WWC2: variants seen among roughly 807,000 people sequenced by gnomAD.
WWC2 encodes the protein protein WWC2.
WWC2 carries 101 observed loss-of-function variants against 138.5 expected under a neutral mutation model. The ratio of observed to expected loss-of-function variants is 0.73; its 90% CI spans 0.62 to 0.86. The LOEUF is 0.86. WWC2 is among the 40% of genes least tolerant of loss of function. The pLI is 0.00. For missense variants in WWC2, 1,420 were observed against 1,419.4 expected, an observed-to-expected ratio of 1.00 and a Z score of -0.01; for synonymous variants, 558 against 538.4, an observed-to-expected ratio of 1.04 and a Z score of -0.50.
chr4:183,129,695 C>T (rs188796764), intron 1 of WWC2, among the ~76,000 whole-genome samples: 1 of 152,308 alleles, frequency 6.6e-6, no homozygotes, highest in East Asian at 1.9e-4. Context: ...TTTGTACCAA[C>T]CCATCAAATG....
chr4:183,319,895 T>C lies in WWC2; in HGVS notation c.*4166T>C. 2.5e-6 allele frequency: 4 copies of C among 1,613,860 alleles called. No homozygotes were observed. Among genetic ancestry groups the C allele is most frequent in the Non-Finnish European group, 3.4e-6 (4 of 1,179,846 alleles). ...GCCTCTTGAGATCTCTCTGACTCTC[T>C]CCAATTCTCAAACAGTCCAGGCCAA... On this transcript the variant is annotated 3_prime_UTR_variant, in exon 23 of 23. Transcript: ENST00000403733.
At chr4:183,134,951 C>T (rs1032656211) in intron 1 of WWC2, among the ~76,000 whole-genome samples, 18 of 144,972 alleles carry the variant, frequency 1.2e-4, no homozygotes, top group African/African-American at 4.8e-4. Context: ...TTTTTAAATT[C>T]GAGAGAGTCT....
chr4:183,262,929 G>T lies in WWC2; in HGVS notation c.1909+1397G>T, dbSNP rs573695097. On this transcript the variant is annotated intron_variant, in intron 11 of 22. Transcript: ENST00000403733. ...TATGATTCCTTATCTGCAAAATGGG[G>T]TTGCTACAGTAATCCTTGTGTCAGG... is the stretch of plus-strand genomic sequence containing the variant. 5.9e-5 allele frequency among the ~76,000 whole-genome samples: 9 copies of T among 152,264 alleles called. No individual in the cohort carries two copies. In the East Asian group the frequency reaches 1.5e-3, roughly 26 times the overall value.
intron 1 of WWC2, among the ~76,000 whole-genome samples, chr4:183,148,955 A>G (rs963304525): frequency 3.3e-5 from 5 of 151,714 alleles, no homozygotes; most frequent in Admixed American, 6.6e-5. Context: ...TCGTAATTGG[A>G]GTAGTGGTAG....
At chr4:183,133,621 C>T (rs1050465633) in intron 1 of WWC2, among the ~76,000 whole-genome samples, 2 of 152,056 alleles carry the variant, frequency 1.3e-5, no homozygotes, top group Non-Finnish European at 2.9e-5. Context: ...CTCAGCCTCC[C>T]GAGTAACTAG....
chr4:183,132,272 T>C (rs1732949712), intron 1 of WWC2, among the ~76,000 whole-genome samples: 1 of 152,186 alleles, frequency 6.6e-6, no homozygotes, highest in Non-Finnish European at 1.5e-5. Flanking sequence ...CAGTGTTGAA[T>C]TGAAGTAGTA....
intron 4 of WWC2, among the ~76,000 whole-genome samples, chr4:183,239,679 A>G (rs1474580127): frequency 2.0e-5 from 3 of 152,064 alleles, no homozygotes; most frequent in Non-Finnish European, 4.4e-5. Flanking sequence ...GAGCCGTGGC[A>G]GGGGCAGGGG....
chr4:183,149,339 T>C (rs977178316), intron 1 of WWC2, among the ~76,000 whole-genome samples: 2 of 152,072 alleles, frequency 1.3e-5, no homozygotes, highest in African/African-American at 4.8e-5. Flanking sequence ...AAACAAATCT[T>C]TGGCCGGGCG....
chr4:183,108,898 C>T (rs951305019), intron 1 of WWC2, among the ~76,000 whole-genome samples: 1 of 152,122 alleles, frequency 6.6e-6, no homozygotes, highest in Non-Finnish European at 1.5e-5. Context: ...TGTGAGACAC[C>T]ACACCCGGCC....
At position 183,261,654 on chromosome 4, in the gene WWC2, T is replaced by C. The variant is rs574347091; in HGVS notation, c.1909+122T>C. The C allele has an allele frequency of 1.7e-3, 2,058 of 1,215,924 alleles. 3 individuals carry two copies. The highest frequency in any genetic ancestry group is 2.2e-3 in the Non-Finnish European group (1,941 of 902,116). The allele number at this position is 1,215,924 out of a possible 1,614,324, so 75.3% of individuals were successfully genotyped here. On this transcript the variant is annotated intron_variant, in intron 11 of 22. Transcript: ENST00000403733. Reference sequence around the variant, plus strand: ...CCCTTCTCTTTCTTTTGAGTAATCGTTTTGGCTTCATTTAAGAAGGAGCTT... The same window carrying C: ...CCCTTCTCTTTCTTTTGAGTAATCGCTTTGGCTTCATTTAAGAAGGAGCTT...
chr4:183,185,788 C>T (rs983108085), intron 1 of WWC2, among the ~76,000 whole-genome samples: 3 of 151,890 alleles, frequency 2.0e-5, no homozygotes, highest in Non-Finnish European at 4.4e-5. Context: ...TTTTTCTCTG[C>T]CCAGGCTATT....
At chr4:183,300,247 T>A (rs139451441) in intron 21 of WWC2, among the ~76,000 whole-genome samples, 185 of 152,178 alleles carry the variant, frequency 1.2e-3, no homozygotes, top group African/African-American at 4.1e-3. Context: ...AAGCCCGGCA[T>A]CTTATCGTGA....
chr4:183,270,635 G>A (rs543840247), intron 15 of WWC2, among the ~76,000 whole-genome samples: 6 of 141,940 alleles, frequency 4.2e-5, no homozygotes, highest in Admixed American at 2.7e-4. Context: ...GTTGTGGTGC[G>A]CACCTGTAAT....
chr4:183,150,162 A>G (rs201061077), intron 1 of WWC2, among the ~76,000 whole-genome samples: 2 of 152,236 alleles, frequency 1.3e-5, no homozygotes, highest in East Asian at 1.9e-4. Context: ...TGAGTACTTC[A>G]GAAGAATGGA....
intron 1 of WWC2, among the ~76,000 whole-genome samples, chr4:183,169,081 CA>C (rs1371191660): frequency 6.6e-6 from 1 of 152,172 alleles, no homozygotes. Context: ...CTCCTGACCG[CA>C]GATGATCTGC....
intron 4 of WWC2, among the ~76,000 whole-genome samples, chr4:183,222,222 T>C (rs1290159574): frequency 1.3e-5 from 2 of 152,168 alleles, no homozygotes; most frequent in African/African-American, 4.8e-5. Context: ...ACTCATCATA[T>C]TGTACATTTA....
chr4:183,129,039 G>T (rs775444565), intron 1 of WWC2, among the ~76,000 whole-genome samples: 9 of 152,210 alleles, frequency 5.9e-5, no homozygotes, highest in Non-Finnish European at 1.2e-4. Flanking sequence ...CTCAACATAA[G>T]CAAAGAGTGT....
intron 1 of WWC2, among the ~76,000 whole-genome samples, chr4:183,108,497 G>A (rs574292799): frequency 2.0e-5 from 3 of 152,166 alleles, no homozygotes; most frequent in Admixed American, 6.5e-5. Context: ...CATGAGGAGC[G>A]TAAGGAGACA....
At chr4:183,187,934 G>T (rs1734863531) in intron 1 of WWC2, among the ~76,000 whole-genome samples, 1 of 151,950 alleles carries the variant, frequency 6.6e-6, no homozygotes, top group Admixed American at 6.6e-5. Context: ...TTGAAGGGTT[G>T]TTATTAGGGC....
Sources: gnomAD v4.1 joint callset for allele counts (sites outside exome capture counted in the v4.1 genomes callset) on GRCh38, gnomAD v4.1.1 for gene constraint, MANE v1.5 for transcripts, NCBI Gene and HGNC (gene_info 2026-07-23, HGNC 2026-07-21) for gene names.